Variants in MEGF6 observed in about 807,000 individuals in gnomAD.
The protein encoded by MEGF6 is multiple epidermal growth factor-like domains protein 6.
A neutral mutation model predicts 207.1 loss-of-function variants in MEGF6; 184 were observed. The ratio of observed to expected loss-of-function variants is 0.89; its 90% CI spans 0.79 to 1.00. MEGF6 has a LOEUF of 1.00. Ranked by LOEUF, MEGF6 falls within the 50% of genes least tolerant of loss-of-function variation. The pLI is 0.00. For missense variants in MEGF6, 2,282 were observed against 2,202.9 expected (o/e 1.04, Z -0.72); for synonymous variants, 1,038 against 910.0 (o/e 1.14, Z -2.53).
At chr1:3,580,559 GGA>G (rs1643771482) in intron 3 of MEGF6, among the ~76,000 whole-genome samples, 2 of 78,098 alleles carry the variant, frequency 2.6e-5, no homozygotes, top group Admixed American at 2.9e-4. Context: ...CAGGGGCTCT[GGA>G]GAGAGAGGGG....
intron 30 of MEGF6, 88 bp downstream of exon 30, chr1:3,495,802 T>C (rs1460852270): frequency 6.7e-7 from 1 of 1,495,098 alleles, no homozygotes; most frequent in Non-Finnish European, 8.9e-7. Context: ...GTGTCTGGGC[T>C]GGGCCCACCC....
At chr1:3,516,164 T>C (rs1029421643) in intron 5 of MEGF6, among the ~76,000 whole-genome samples, 1 of 152,216 alleles carries the variant, frequency 6.6e-6, no homozygotes, top group African/African-American at 2.4e-5. Context: ...CTGCAGAGCA[T>C]GGACTGTGGG....
At chr1:3,603,520 C>G (rs371458574) in intron 1 of MEGF6, among the ~76,000 whole-genome samples, 1 of 152,152 alleles carries the variant, frequency 6.6e-6, no homozygotes, top group African/African-American at 2.4e-5. Flanking sequence ...GCTTGTCCTG[C>G]TCTCCCAGCT....
intron 4 of MEGF6, among the ~76,000 whole-genome samples, chr1:3,568,689 G>A (rs758484776): frequency 4.6e-5 from 7 of 152,074 alleles, no homozygotes; most frequent in Non-Finnish European, 8.8e-5. Context: ...GACCTTGCCG[G>A]CCAGCCCTTT....
upstream of MEGF6, among the ~76,000 whole-genome samples, chr1:3,616,245 T>C (rs1003818514): frequency 6.6e-6 from 1 of 151,986 alleles, no homozygotes; most frequent in Admixed American, 6.6e-5. Flanking sequence ...CCCTGAAAGC[T>C]CCCCGAACGA....
intron 4 of MEGF6, among the ~76,000 whole-genome samples, chr1:3,555,679 C>T (rs1643013334): frequency 6.6e-6 from 1 of 152,186 alleles, no homozygotes; most frequent in African/African-American, 2.4e-5. Flanking sequence ...CCGAGAGGAG[C>T]CTTCTCCAGC....
rs997324604 is a variant in MEGF6, at chr1:3,594,244, C to CA, written c.376+1093dup. Among the ~76,000 whole-genome samples the CA allele has an allele frequency of 6.6e-6, 1 of 152,188 alleles. No homozygotes were observed. Among genetic ancestry groups the CA allele is most frequent in the African/African-American group, 2.4e-5 (1 of 41,444 alleles). On this transcript the variant is annotated intron_variant, in intron 3 of 36. Coordinates refer to ENST00000356575, the MANE Select transcript of MEGF6 (RefSeq NM_001409.4). The surrounding 1 kb of genome is among the most constrained non-coding windows in gnomAD (Gnocchi z 4.2). ...AGGAGCTCAAGACCAGCCTGGGCAA[C>CA]ATGGTGAGACCCTGTCTCTACAAAA...
Position 3,488,207 on chromosome 1 carries a change from C to T in MEGF6, c.*2321G>A, listed in dbSNP as rs754624397. On this transcript the variant is annotated 3_prime_UTR_variant, in exon 37 of 37. Transcript: ENST00000356575. ...AACCGTTAACATTAGGATCTGTGAG[C>T]GTGTTTTCTAGTTATTCTGCTTTAT... 1.3e-5 allele frequency among the ~76,000 whole-genome samples: 2 copies of T among 152,142 alleles called. No individual in the cohort carries two copies. Among genetic ancestry groups the T allele is most frequent in the African/African-American group, 2.4e-5 (1 of 41,414 alleles).
intron 3 of MEGF6, among the ~76,000 whole-genome samples, chr1:3,580,597 C>T (rs1210385967): frequency 6.6e-6 from 1 of 152,116 alleles, no homozygotes; most frequent in Non-Finnish European, 1.5e-5. Context: ...CAGGCAGCCC[C>T]GTTACTGACA....
chr1:3,608,815 C>G (rs1421599192), intron 1 of MEGF6, among the ~76,000 whole-genome samples: 1 of 152,174 alleles, frequency 6.6e-6, no homozygotes. Context: ...TGCATGAGGC[C>G]CCAGGAAGGA....
upstream of MEGF6, among the ~76,000 whole-genome samples, chr1:3,613,418 C>T (rs1644352561): frequency 1.3e-5 from 2 of 152,204 alleles, no homozygotes; most frequent in African/African-American, 2.4e-5. Context: ...CCCATCTTTA[C>T]ATCTGATTCC....
At chr1:3,492,831 G>C (rs567064508) in intron 34 of MEGF6, 64 bp from the exon 35 acceptor site, 2 of 1,572,506 alleles carry the variant, frequency 1.3e-6, no homozygotes, top group South Asian at 1.1e-5. Flanking sequence ...GCGCCAAGGA[G>C]CCTGGGCCTA....
intron 4 of MEGF6, chr1:3,531,365 C>T: frequency 8.4e-7 from 1 of 1,185,894 alleles, no homozygotes; most frequent in South Asian, 4.1e-5. Context: ...GGCGCGCAAT[C>T]CCAGCCCCGG....
intron 4 of MEGF6, among the ~76,000 whole-genome samples, chr1:3,574,935 G>A (rs115753535): frequency 0.03 from 4,595 of 152,274 alleles, 95 homozygotes; most frequent in South Asian, 0.061. Context: ...GAGCCACCAC[G>A]CCTGGCTTGA....
chr1:3,537,017 C>T (rs1203954924), intron 4 of MEGF6, among the ~76,000 whole-genome samples: 1 of 152,256 alleles, frequency 6.6e-6, no homozygotes, highest in African/African-American at 2.4e-5. Flanking sequence ...GAGATGATGC[C>T]GGGCTGTCCA....
chr1:3,541,408 G>A (rs1375851222), intron 4 of MEGF6, among the ~76,000 whole-genome samples: 1 of 152,246 alleles, frequency 6.6e-6, no homozygotes, highest in Non-Finnish European at 1.5e-5. Context: ...CGTTCTCCTG[G>A]GTGGAGGCCC....
chr1:3,553,976 A>G (rs566834142), intron 4 of MEGF6, among the ~76,000 whole-genome samples: 72 of 152,190 alleles, frequency 4.7e-4, no homozygotes, highest in African/African-American at 1.7e-3. Flanking sequence ...TCTGCCTGGA[A>G]CCCAGCTGCT....
intron 4 of MEGF6, among the ~76,000 whole-genome samples, chr1:3,577,577 C>G (rs1186481891): frequency 6.6e-6 from 1 of 152,242 alleles, no homozygotes; most frequent in Non-Finnish European, 1.5e-5. Context: ...GGAGGGAGCT[C>G]CCAGCCTCCA....
At chr1:3,569,462 CAGTGCTGCCCTGA>C (rs1643437741) in intron 4 of MEGF6, among the ~76,000 whole-genome samples, 1 of 152,230 alleles carries the variant, frequency 6.6e-6, no homozygotes, top group Non-Finnish European at 1.5e-5. Context: ...TGGTCAGCCC[CAGTGCTGCCCTGA>C]AGTCCAGGGA....
Sources: gnomAD v4.1 joint callset for allele counts (sites outside exome capture counted in the v4.1 genomes callset) on GRCh38, gnomAD v4.1.1 for gene constraint, Gnocchi (gnomAD v3.1) non-coding constraint, MANE v1.5 for transcripts, NCBI Gene and HGNC (gene_info 2026-07-23, HGNC 2026-07-21) for gene names.